IDE: variants seen among roughly 807,000 people sequenced by gnomAD.
IDE encodes the protein insulin degrading enzyme.
In IDE, 58 loss-of-function variants were observed where a neutral mutation model predicts 133.2. The ratio of observed to expected loss-of-function variants is 0.44; its 90% confidence interval spans 0.35 to 0.54. The LOEUF (loss-of-function observed/expected upper bound fraction) is 0.54. Among genes scored for constraint, IDE ranks in the 20% least tolerant of loss-of-function variants. The pLI, the probability that IDE is intolerant of heterozygous loss-of-function variation, is 0.00. For synonymous variants in IDE, 396 were observed against 421.3 expected, an observed-to-expected ratio of 0.94 and a Z score of 0.73; for missense variants, 981 against 1,234.0, an observed-to-expected ratio of 0.79 and a Z score of 3.07.
chr10:92,551,446 T>C (rs779567865), intron 1 of IDE, among the ~76,000 whole-genome samples: 2 of 150,824 alleles, frequency 1.3e-5, no homozygotes, highest in Non-Finnish European at 3.0e-5. Flanking sequence ...TGCACACCTA[T>C]AGTCCCAGAT....
intron 5 of IDE, among the ~76,000 whole-genome samples, chr10:92,512,571 A>C (rs780613751): frequency 2.0e-5 from 3 of 151,708 alleles, no homozygotes; most frequent in Admixed American, 2.0e-4. Flanking sequence ...AAAAAAAAAA[A>C]AAACACCCAG....
At chr10:92,536,606 G>A (rs1364248403) in intron 2 of IDE, among the ~76,000 whole-genome samples, 1 of 151,512 alleles carries the variant, frequency 6.6e-6, no homozygotes, top group Non-Finnish European at 1.5e-5. Context: ...GCTGAGGTAG[G>A]AGAATTGCTT....
intron 1 of IDE, among the ~76,000 whole-genome samples, chr10:92,568,621 G>A (rs1443697323): frequency 6.6e-6 from 1 of 151,966 alleles, no homozygotes; most frequent in Non-Finnish European, 1.5e-5. Flanking sequence ...TTTAAGACCA[G>A]CCTGGGCAAC....
intron 1 of IDE, among the ~76,000 whole-genome samples, chr10:92,543,877 G>A (rs1207212632): frequency 6.7e-6 from 1 of 149,886 alleles, no homozygotes; most frequent in Non-Finnish European, 1.5e-5. Flanking sequence ...CTTGTAGTTT[G>A]GGTACCAAGG....
At chr10:92,565,263 GA>G (rs1332713405) in intron 1 of IDE, among the ~76,000 whole-genome samples, 1 of 123,422 alleles carries the variant, frequency 8.1e-6, no homozygotes. Flanking sequence ...AAAAAAAAAA[GA>G]AAAAATTAGC....
At chr10:92,488,770 C>A (rs1001708151) in intron 12 of IDE, among the ~76,000 whole-genome samples, 1 of 143,534 alleles carries the variant, frequency 7.0e-6, no homozygotes, top group Non-Finnish European at 1.5e-5. Flanking sequence ...GTACGAGACT[C>A]TGTCTAAAAA....
At position 92,544,879 on chromosome 10, in the gene IDE, C is replaced by T. The variant is rs1842473010; in HGVS notation, c.99-7329G>A. Among the ~76,000 whole-genome samples the T allele has an allele frequency of 2.0e-5, 3 of 152,190 alleles. No homozygotes were observed. The South Asian group carries it at 6.2e-4, about 32-fold the overall frequency. On this transcript the variant is annotated intron_variant, in intron 1 of 24. Transcript: ENST00000265986. ...CAAGAGAGTATATGTACAGAACTGA[C>T]TCATGCATGAAAGGAAACATAAAAA... is the stretch of plus-strand genomic sequence containing the variant.
chr10:92,549,847 G>A (rs1842700993), intron 1 of IDE, among the ~76,000 whole-genome samples: 1 of 152,060 alleles, frequency 6.6e-6, no homozygotes, highest in Admixed American at 6.6e-5. Flanking sequence ...GAAGAGCTAG[G>A]ATTCAAACCC....
At chr10:92,486,138 CAA>C (rs1201193942) in intron 13 of IDE, among the ~76,000 whole-genome samples, 1 of 152,082 alleles carries the variant, frequency 6.6e-6, no homozygotes, top group African/African-American at 2.4e-5. Flanking sequence ...CCCCTGAGGT[CAA>C]GAGTTCGAGG....
intron 15 of IDE, among the ~76,000 whole-genome samples, chr10:92,477,175 C>A (rs976764075): frequency 2.4e-4 from 37 of 151,532 alleles, no homozygotes; most frequent in African/African-American, 8.0e-4. Context: ...TTTTCTGAGA[C>A]AGGGTCTGGC....
intron 17 of IDE, among the ~76,000 whole-genome samples, chr10:92,472,340 C>T (rs755231172): frequency 1.3e-5 from 2 of 152,084 alleles, no homozygotes; most frequent in Non-Finnish European, 2.9e-5. Flanking sequence ...AAGTAGGCTT[C>T]GTTTTGGAAA....
chr10:92,480,066 C>T (rs1462080392), intron 14 of IDE, among the ~76,000 whole-genome samples: 4 of 152,120 alleles, frequency 2.6e-5, no homozygotes, highest in African/African-American at 9.7e-5. Context: ...TGAGAAAGAA[C>T]AAAGAAGAAA....
chr10:92,561,006 A>T, intron 1 of IDE, among the ~76,000 whole-genome samples: 1 of 151,950 alleles, frequency 6.6e-6, no homozygotes. Context: ...TAATCCCAGA[A>T]CTTTGGGAGG....
In IDE at chr10:92,454,236, G is replaced by T; in HGVS notation, c.*208C>A. The T allele has an allele frequency of 2.5e-6, 1 of 407,558 alleles. No homozygotes were observed. Among genetic ancestry groups the T allele is most frequent in the Non-Finnish European group, 4.4e-6 (1 of 227,408 alleles). 25.2% of individuals were successfully genotyped at this position (407,558 alleles called of 1,614,324 possible). A position where few individuals can be genotyped will look rare whatever the true frequency, so the allele number is the denominator to read the frequency against. On this transcript the variant is annotated 3_prime_UTR_variant, in exon 25 of 25. Coordinates refer to ENST00000265986, the MANE Select transcript of IDE (RefSeq NM_004969.4). ...AAAAGAAAAATTTTAAAATATTTAA[G>T]AGGCATGTATTTAAAAAATATTCTA...
intron 20 of IDE, among the ~76,000 whole-genome samples, chr10:92,465,195 T>G (rs7916011): frequency 0.036 from 5,407 of 152,290 alleles, 366 homozygotes; most frequent in African/African-American, 0.12. Context: ...GGGGCTTCTT[T>G]GAGCTTCTTT....
In IDE at chr10:92,479,284, C is replaced by G; in HGVS notation, c.1877G>C (p.Gly626Ala). Residue 626 changes from glycine to alanine, a missense_variant, in exon 15 of 25, where the codon GGG (glycine) becomes GCG (alanine). Gly to Ala is a moderately conservative substitution (Grantham distance 60, BLOSUM62 0). Coordinates refer to ENST00000265986, the MANE Select transcript of IDE (RefSeq NM_004969.4). ...LSYDLQNTIY[G>A]MYLSVKGYND... ...TAAGGCGTGGGTACTTACATACATC[C>G]CATAGATGGTATTTTGGAGATCATA... is the stretch of plus-strand genomic sequence containing the variant. The G allele has an allele frequency of 6.2e-7, 1 of 1,610,622 alleles. No homozygotes were observed. Among genetic ancestry groups the G allele is most frequent in the Non-Finnish European group, 8.5e-7 (1 of 1,177,166 alleles).
At chr10:92,548,436 T>C (rs998876345) in intron 1 of IDE, among the ~76,000 whole-genome samples, 2 of 145,674 alleles carry the variant, frequency 1.4e-5, no homozygotes, top group Non-Finnish European at 3.0e-5. Flanking sequence ...CAGGGGCACC[T>C]ATAGTTGCAT....
chr10:92,470,948 T>A (rs1845933436), intron 17 of IDE, among the ~76,000 whole-genome samples: 1 of 152,242 alleles, frequency 6.6e-6, no homozygotes, highest in Non-Finnish European at 1.5e-5. Flanking sequence ...TTTTATTCTT[T>A]TATTTATAAT....
intron 1 of IDE, among the ~76,000 whole-genome samples, chr10:92,569,130 G>A (rs552859381): frequency 6.6e-6 from 1 of 152,292 alleles, no homozygotes; most frequent in East Asian, 1.9e-4. Flanking sequence ...AAGAATAAAG[G>A]ATTTAGTCAT....
Sources: gnomAD v4.1 joint callset for allele counts (sites outside exome capture counted in the v4.1 genomes callset) on GRCh38, gnomAD v4.1.1 for gene constraint, MANE v1.5 for transcripts, NCBI Gene and HGNC (gene_info 2026-07-23, HGNC 2026-07-21) for gene names.